The following TENM2 variants were observed in gnomAD, a reference collection of about 807,000 sequenced individuals.
The protein encoded by TENM2 is teneurin transmembrane protein 2.
TENM2 carries 52 observed loss-of-function variants against 245.2 expected under a neutral mutation model. That is an observed-to-expected ratio of 0.21 (90% CI 0.17 to 0.27). The LOEUF (loss-of-function observed/expected upper bound fraction) is 0.27. TENM2 is among the 10% of genes least tolerant of loss of function. The pLI, the probability that TENM2 is intolerant of heterozygous loss-of-function variation, is 1.00. For missense variants in TENM2, 3,046 were observed against 3,666.8 expected, an observed-to-expected ratio of 0.83 and a Z score of 4.37; for synonymous variants, 1,363 against 1,438.9, an observed-to-expected ratio of 0.95 and a Z score of 1.19.
At chr5:168,099,524 TTTAA>T (rs1471007373) in intron 9 of TENM2, among the ~76,000 whole-genome samples, 1 of 152,184 alleles carries the variant, frequency 6.6e-6, no homozygotes, top group African/African-American at 2.4e-5. Context: ...GACTTTCTTA[TTTAA>T]TTATGCATAC....
the TENM2 span, among the ~76,000 whole-genome samples, chr5:167,268,053 T>C: frequency 0.11 from 17,160 of 152,182 alleles, 1,130 homozygotes; most frequent in East Asian, 0.18. Flanking sequence ...ATGTGTATTC[T>C]TCTGGAACTT....
At chr5:167,198,555 T>C in the TENM2 span, among the ~76,000 whole-genome samples, 2 of 152,244 alleles carry the variant, frequency 1.3e-5, no homozygotes, top group East Asian at 3.9e-4. Flanking sequence ...TTATTTCCTT[T>C]AAAAACAAAC....
At chr5:167,375,495 CT>C in intron 2 of TENM2, 22 bp downstream of exon 4, 1 of 1,550,376 alleles carries the variant, frequency 6.5e-7, no homozygotes, top group Non-Finnish European at 8.7e-7. Context: ...TCTTAAATAC[CT>C]TTTAACGTTC....
At chr5:167,782,696 G>C (rs1182703301) in intron 2 of TENM2, among the ~76,000 whole-genome samples, 1 of 152,180 alleles carries the variant, frequency 6.6e-6, no homozygotes, top group Non-Finnish European at 1.5e-5. Flanking sequence ...CAATTAAAGA[G>C]ACAAAAAGTC....
the TENM2 span, among the ~76,000 whole-genome samples, chr5:167,004,640 T>A: frequency 1.3e-5 from 2 of 152,244 alleles, no homozygotes; most frequent in African/African-American, 4.8e-5. Context: ...ACTCCTTGAA[T>A]AAGTACATGG....
the TENM2 span, among the ~76,000 whole-genome samples, chr5:167,180,846 AC>A: frequency 2.0e-5 from 3 of 152,100 alleles, no homozygotes; most frequent in South Asian, 6.2e-4. Flanking sequence ...GAGAAAGAGG[AC>A]AAGTGGGTCT....
the TENM2 span, among the ~76,000 whole-genome samples, chr5:167,253,910 T>A: frequency 6.6e-6 from 1 of 152,090 alleles, no homozygotes; most frequent in Non-Finnish European, 1.5e-5. Context: ...AACTATGACA[T>A]CCATTTTCTC....
rs1277490426 is a variant in TENM2 at position 167,694,393 on chromosome 5, TTTAAAATAGCAGAGCATCCC to T, written c.503-181570_503-181551del. On this transcript the variant is annotated intron_variant, in intron 2 of 28. Transcript: ENST00000518659. ...CCACAGCCCAGGTTCTGAACCAATATTTAAAATAGCAGAGCATCCCTTAAAATAGCAGAGCATCCCTTTCC... is the reference window on the plus strand; with the variant it reads ...CCACAGCCCAGGTTCTGAACCAATATTTAAAATAGCAGAGCATCCCTTTCC... Among the ~76,000 whole-genome samples the T allele has an allele frequency of 4.5e-4, 68 of 152,320 alleles. 1 individual carries two copies. Among genetic ancestry groups the T allele is most frequent in the South Asian group, 4.4e-3 (21 of 4,824 alleles).
the TENM2 span, among the ~76,000 whole-genome samples, chr5:167,100,789 A>G: frequency 3.9e-5 from 6 of 152,204 alleles, no homozygotes; most frequent in Admixed American, 3.9e-4. Flanking sequence ...GCAGCAATCC[A>G]GAGAATTAAT....
chr5:167,331,148 A>T (rs902114407), intron 1 of TENM2, among the ~76,000 whole-genome samples: 4 of 150,220 alleles, frequency 2.7e-5, no homozygotes, highest in Non-Finnish European at 1.5e-5. Context: ...AGGCAGGAGA[A>T]TCACTTGAAC....
intron 2 of TENM2, chr5:167,754,834 G>T: frequency 2.3e-6 from 1 of 427,908 alleles, no homozygotes; most frequent in East Asian, 3.8e-5. Context: ...CTGGCAGCGG[G>T]GGAGGCGTCC....
intron 2 of TENM2, among the ~76,000 whole-genome samples, chr5:167,649,889 C>A (rs964825813): frequency 6.6e-6 from 1 of 152,130 alleles, no homozygotes; most frequent in African/African-American, 2.4e-5. Flanking sequence ...CATTCTTATG[C>A]ATGTATGTTT....
At chr5:166,982,013 GCTT>G in the TENM2 span, among the ~76,000 whole-genome samples, 2 of 152,084 alleles carry the variant, frequency 1.3e-5, no homozygotes, top group Non-Finnish European at 2.9e-5. Flanking sequence ...TCTTAACTAA[GCTT>G]CTTTTAACTT....
At chr5:167,696,083 A>G (rs1757750016) in intron 2 of TENM2, among the ~76,000 whole-genome samples, 1 of 151,942 alleles carries the variant, frequency 6.6e-6, no homozygotes, top group African/African-American at 2.4e-5. Context: ...TGATTTACAA[A>G]CAAAAATATT....
At chr5:168,129,529 T>C (rs980429175) in intron 12 of TENM2, 1 of 152,220 alleles carries the variant, frequency 6.6e-6, no homozygotes, top group African/African-American at 2.4e-5. Flanking sequence ...ATTAGGGCTC[T>C]GTGTCTTTAT....
chr5:167,817,645 G>GA (rs201771030), intron 2 of TENM2, among the ~76,000 whole-genome samples: 17 of 151,020 alleles, frequency 1.1e-4, no homozygotes, highest in African/African-American at 2.2e-4. Context: ...ATCACTATCT[G>GA]AAAAAAAAAT....
intron 2 of TENM2, among the ~76,000 whole-genome samples, chr5:167,424,529 A>G (rs950219621): frequency 1.3e-5 from 2 of 152,190 alleles, no homozygotes; most frequent in Non-Finnish European, 2.9e-5. Flanking sequence ...TTTTGCCGCA[A>G]TCTCGTCACT....
intron 3 of TENM2, among the ~76,000 whole-genome samples, chr5:167,896,437 C>T (rs1429958365): frequency 6.6e-6 from 1 of 152,192 alleles, no homozygotes; most frequent in African/African-American, 2.4e-5. Flanking sequence ...AAAGTCAGAG[C>T]AATGTTTAAG....
At chr5:167,759,927 T>C (rs1762550929) in intron 2 of TENM2, among the ~76,000 whole-genome samples, 2 of 152,230 alleles carry the variant, frequency 1.3e-5, no homozygotes, top group South Asian at 4.1e-4. Flanking sequence ...AGATTCTGTT[T>C]TTCAGATATT....
Sources: allele counts gnomAD v4.1 joint callset (sites outside exome capture counted in the v4.1 genomes callset), GRCh38; gene constraint gnomAD v4.1.1; transcripts MANE v1.5; gene names NCBI Gene and HGNC (gene_info 2026-07-23, HGNC 2026-07-21).